The following UGGT1 variants were observed in gnomAD, a reference collection of about 807,000 sequenced individuals.
The protein encoded by UGGT1 is UDP-glucose:glycoprotein glucosyltransferase 1.
Under a neutral mutation model 203.9 loss-of-function variants are expected in UGGT1, and 107 were observed. The observed-to-expected ratio is 0.52, with a 90% CI of 0.45 to 0.62. UGGT1 has a LOEUF of 0.62. Ranked by LOEUF, UGGT1 falls within the 20% of genes least tolerant of loss-of-function variation. UGGT1 has a pLI of 0.00. For missense variants in UGGT1, 1,673 were observed against 1,867.2 expected, an observed-to-expected ratio of 0.90 and a Z score of 1.92; for synonymous variants, 628 against 653.5, an observed-to-expected ratio of 0.96 and a Z score of 0.59.
intron 33 of UGGT1, 44 bp from the exon 34 acceptor site, chr2:128,178,424 T>C (rs778845002): frequency 6.6e-7 from 1 of 1,504,296 alleles, no homozygotes; most frequent in African/African-American, 1.4e-5. Flanking sequence ...CGTGTGTCTG[T>C]ATGAGTGTTT....
chr2:128,141,105 C>T (rs1034351092), intron 16 of UGGT1, among the ~76,000 whole-genome samples: 2 of 152,156 alleles, frequency 1.3e-5, no homozygotes, highest in East Asian at 3.9e-4. Context: ...AGGGAGATCA[C>T]CTGAGGTCAG....
At chr2:128,142,342 T>G (rs1689473638) in intron 16 of UGGT1, among the ~76,000 whole-genome samples, 1 of 151,636 alleles carries the variant, frequency 6.6e-6, no homozygotes, top group South Asian at 2.1e-4. Context: ...TCCCAGCACT[T>G]TGGGAGGCCG....
Position 128,156,399 on chromosome 2 carries a change from C to T in UGGT1, c.2244C>T (p.Ser748=). ...SMNYLTKKGM[S]SKEIYDDSFI... ...CTCTTTACCTTTGTTCAGGAATGTC[C>T]TCCAAGGAAATCTATGGTAACTTAA... Residue 748 remains serine, a synonymous_variant, in exon 21 of 41, where the codon TCC becomes TCT. Transcript: ENST00000259253. 6.3e-7 allele frequency: 1 copy of T among 1,595,658 alleles called. No individual in the cohort carries two copies. The highest frequency in any genetic ancestry group is 8.6e-7 in the Non-Finnish European group (1 of 1,164,670).
At chr2:128,091,626 T>C in intron 1 of UGGT1, 3 of 1,428,828 alleles carry the variant, frequency 2.1e-6, no homozygotes, top group Non-Finnish European at 2.8e-6. Flanking sequence ...GGCGGCGGGC[T>C]CTGTTCAGCG....
At chr2:128,097,678 G>T in intron 2 of UGGT1, 114 bp downstream of exon 2, 2 of 1,331,134 alleles carry the variant, frequency 1.5e-6, no homozygotes, top group Non-Finnish European at 1.0e-6. Flanking sequence ...TTTATGAAGA[G>T]CCTCTTTCAG....
rs1181179801 is a variant in UGGT1 at position 128,113,161 on chromosome 2, C to G, written c.599C>G (p.Ser200Cys). The G allele has an allele frequency of 6.2e-7, 1 of 1,612,896 alleles. No individual in the cohort carries two copies. Among genetic ancestry groups the G allele is most frequent in the East Asian group, 2.2e-5 (1 of 44,792 alleles). ...NPESPVVIFYSEIGSEEFSNF... is the reference protein window; with the variant it reads ...NPESPVVIFYCEIGSEEFSNF... ...GAAAGCCCTGTGGTGATTTTCTACTCTGAGATTGGCTCTGAGGAATTTTCC... is the reference window on the plus strand; with the variant it reads ...GAAAGCCCTGTGGTGATTTTCTACTGTGAGATTGGCTCTGAGGAATTTTCC... Residue 200 changes from serine to cysteine, a missense_variant, in exon 6 of 41, where the codon TCT becomes TGT. Physicochemically the swap from Ser to Cys is moderately radical, Grantham distance 112. Around this residue, in one of 4 missense-constraint regions of UGGT1, gnomAD observed 1,073 missense variants for 1,078.7 expected, o/e 0.99. Transcript: ENST00000259253.
Position 128,184,181 on chromosome 2 carries a change from C to A in UGGT1, c.4359+392C>A, listed in dbSNP as rs572018949. Among the ~76,000 whole-genome samples the A allele has an allele frequency of 2.6e-5, 4 of 152,258 alleles. No individual in the cohort carries two copies. In the South Asian group the frequency reaches 8.3e-4, roughly 32 times the overall value. Reference sequence around the variant, plus strand: ...GCTCAGGATTCGTAGTATAGAATCACAGTATAGTATCACAGCTTCCCCTTT... The same window carrying A: ...GCTCAGGATTCGTAGTATAGAATCAAAGTATAGTATCACAGCTTCCCCTTT... On this transcript the variant is annotated intron_variant, in intron 38 of 40. Transcript: ENST00000259253.
At chr2:128,113,480 T>C (rs1687959321) in intron 6 of UGGT1, among the ~76,000 whole-genome samples, 1 of 152,218 alleles carries the variant, frequency 6.6e-6, no homozygotes, top group Non-Finnish European at 1.5e-5. Flanking sequence ...CTCGATAAAG[T>C]TTACATTTTA....
rs777620876 is a variant in UGGT1 at position 128,159,493 on chromosome 2, C to T, written c.2356-21C>T. ...TCAAAAATATCTACAATATGACTCC[C>T]GTTTCCCATTTTGTGAACAGAAATC... is the stretch of plus-strand genomic sequence containing the variant. On this transcript the variant is annotated intron_variant, in intron 22 of 40. Transcript: ENST00000259253. The T allele has an allele frequency of 2.5e-5, 40 of 1,607,840 alleles. No homozygotes were observed. In the South Asian group the frequency reaches 2.9e-4, roughly 11 times the overall value.
chr2:128,145,116 T>G (rs1484110462), intron 17 of UGGT1, among the ~76,000 whole-genome samples: 1 of 152,210 alleles, frequency 6.6e-6, no homozygotes, highest in Non-Finnish European at 1.5e-5. Context: ...GAGCACTGTT[T>G]CCCCACAAAC....
rs1687947995 is a variant in UGGT1, at chr2:128,113,237, T to C, written c.675T>C (p.Tyr225=). The C allele has an allele frequency of 1.2e-6, 2 of 1,611,492 alleles. No homozygotes were observed. The highest frequency in any genetic ancestry group is 1.3e-5 in the African/African-American group (1 of 74,968). ...AAAGCAATGCAGGCAAAATCAATTA[T>C]GTATTCAGACATTATATATTTGTAA... The part of the protein sequence containing the change: ...ISKSNAGKIN[Y]VFRHYIFNPR... Residue 225 remains tyrosine, a synonymous_variant, in exon 6 of 41, where the codon TAT becomes TAC. Transcript: ENST00000259253.
intron 35 of UGGT1, 26 bp downstream of exon 35, chr2:128,179,896 CATTCTT>C: frequency 6.3e-7 from 1 of 1,583,522 alleles, no homozygotes; most frequent in Non-Finnish European, 8.7e-7. Context: ...AAAGGGAAAA[CATTCTT>C]ATTAAGGAGA....
intron 29 of UGGT1, 62 bp downstream of exon 29, chr2:128,172,824 A>G (rs1691180156): frequency 2.7e-6 from 4 of 1,498,058 alleles, no homozygotes; most frequent in Non-Finnish European, 3.6e-6. Flanking sequence ...ATTGAATCAT[A>G]GTCTAGGTGG....
At chr2:128,154,228 C>T (rs1020554366) in intron 19 of UGGT1, among the ~76,000 whole-genome samples, 4 of 152,116 alleles carry the variant, frequency 2.6e-5, no homozygotes, top group African/African-American at 4.8e-5. Context: ...GCAAGGTGAG[C>T]GTGTTGTGGC....
intron 40 of UGGT1, among the ~76,000 whole-genome samples, chr2:128,188,450 A>G (rs1692102054): frequency 6.6e-6 from 1 of 152,202 alleles, no homozygotes; most frequent in Non-Finnish European, 1.5e-5. Flanking sequence ...GTCTTGAATG[A>G]TAGCTACTTG....
intron 18 of UGGT1, among the ~76,000 whole-genome samples, chr2:128,150,130 A>G (rs962629178): frequency 1.3e-5 from 2 of 152,162 alleles, no homozygotes; most frequent in African/African-American, 4.8e-5. Flanking sequence ...TTTGAACTAA[A>G]TGCACTACAA....
chr2:128,110,527 C>T (rs1354114917), intron 5 of UGGT1, among the ~76,000 whole-genome samples: 1 of 152,174 alleles, frequency 6.6e-6, no homozygotes, highest in East Asian at 1.9e-4. Flanking sequence ...GAAATGGCTG[C>T]ATGGTGATAC....
chr2:128,100,211 A>G (rs1184836691), intron 2 of UGGT1, among the ~76,000 whole-genome samples: 3 of 150,162 alleles, frequency 2.0e-5, no homozygotes, highest in Non-Finnish European at 3.0e-5. Context: ...TAATTTTTAT[A>G]TTTTCAGTAG....
chr2:128,133,210 C>A lies in UGGT1; in HGVS notation c.1447C>A (p.Pro483Thr). The change falls in exon 14 of 41, where the codon CCC becomes ACC. Residue 483 changes from proline to threonine, a missense_variant. Around this residue, in one of 4 missense-constraint regions of UGGT1, gnomAD observed 1,073 missense variants for 1,078.7 expected, o/e 0.99. Transcript: ENST00000259253. ...WPSSLQELLR[P>T]TFPGVIRQIR... ...TTCTAGTTTACAAGAGTTGCTTCGA[C>A]CCACCTTTCCTGGTGTTATTCGGCA... 3 of 1,614,068 alleles carry A rather than the reference C, an allele frequency of 1.9e-6. No individual in the cohort carries two copies. Among genetic ancestry groups the A allele is most frequent in the Non-Finnish European group, 2.5e-6 (3 of 1,179,974 alleles).
Sources: gnomAD v4.1 joint callset for allele counts (sites outside exome capture counted in the v4.1 genomes callset) on GRCh38, gnomAD v4.1.1 for gene constraint, gnomAD v4.1.1 regional missense constraint, MANE v1.5 for transcripts, NCBI Gene and HGNC (gene_info 2026-07-23, HGNC 2026-07-21) for gene names.